Variants in PRIM2 observed in about 807,000 individuals in gnomAD.
PRIM2 encodes DNA primase subunit 2.
A neutral mutation model predicts 67.3 loss-of-function variants in PRIM2; 39 were observed. That is an observed-to-expected ratio of 0.58 (90% CI 0.45 to 0.76). The LOEUF (loss-of-function observed/expected upper bound fraction) is 0.76, where lower values mean the gene tolerates loss of function less well. Among genes scored for constraint, PRIM2 ranks in the 30% least tolerant of loss-of-function variants. The pLI, the probability that PRIM2 is intolerant of heterozygous loss-of-function variation, is 0.00. For synonymous variants in PRIM2, 143 were observed against 198.7 expected (o/e 0.72, Z 2.36); for missense variants, 398 against 598.7 (o/e 0.66, Z 3.50).
At chr6:57,331,358 A>T (rs752464944) in intron 5 of PRIM2, among the ~76,000 whole-genome samples, 1 of 152,058 alleles carries the variant, frequency 6.6e-6, no homozygotes, top group Non-Finnish European at 1.5e-5. Flanking sequence ...TTGATAAGGG[A>T]TACTGGTCTG....
intron 7 of PRIM2, among the ~76,000 whole-genome samples, chr6:57,450,513 G>A (rs1303634985): frequency 4.6e-5 from 7 of 152,234 alleles, no homozygotes; most frequent in African/African-American, 1.7e-4. Flanking sequence ...CTATCTAAAA[G>A]GCTTGGCATG....
chr6:57,637,735 C>T (rs1777149985), intron 13 of PRIM2, among the ~76,000 whole-genome samples: 2 of 152,134 alleles, frequency 1.3e-5, no homozygotes, highest in Non-Finnish European at 1.5e-5. Flanking sequence ...AACAAAGCCT[C>T]CAAGAAATAG....
intron 7 of PRIM2, among the ~76,000 whole-genome samples, chr6:57,488,665 G>A (rs1391986663): frequency 2.0e-5 from 3 of 152,196 alleles, no homozygotes; most frequent in African/African-American, 7.2e-5. Flanking sequence ...CAGGATGTCA[G>A]CCCACCACAT....
chr6:57,285,828 C>A, the PRIM2 span, among the ~76,000 whole-genome samples: 3 of 152,286 alleles, frequency 2.0e-5, no homozygotes, highest in Admixed American at 6.5e-5. Flanking sequence ...TCTCTGTTTG[C>A]AGATGACATG....
At chr6:57,463,090 C>T (rs1773060304) in intron 7 of PRIM2, among the ~76,000 whole-genome samples, 1 of 152,150 alleles carries the variant, frequency 6.6e-6, no homozygotes. Flanking sequence ...TAAATGGGAT[C>T]TTCTAAGTGG....
At chr6:57,409,025 C>A (rs1770995987) in intron 7 of PRIM2, among the ~76,000 whole-genome samples, 2 of 151,562 alleles carry the variant, frequency 1.3e-5, no homozygotes, top group African/African-American at 4.9e-5. Context: ...ACATTTTTTC[C>A]ATTCTTTTTA....
At chr6:57,518,126 G>A (rs1289142971) in intron 8 of PRIM2, among the ~76,000 whole-genome samples, 4 of 152,098 alleles carry the variant, frequency 2.6e-5, no homozygotes, top group Non-Finnish European at 4.4e-5. Context: ...ATTACTATTT[G>A]GAAAGTAGTG....
At chr6:57,364,694 G>T (rs1284076770) in intron 5 of PRIM2, among the ~76,000 whole-genome samples, 6 of 151,866 alleles carry the variant, frequency 4.0e-5, no homozygotes, top group Non-Finnish European at 8.8e-5. Context: ...CTTCCGCTTG[G>T]CAGGCCCTAA....
At chr6:57,586,340 T>C (rs1249981650) in intron 10 of PRIM2, among the ~76,000 whole-genome samples, 3 of 152,108 alleles carry the variant, frequency 2.0e-5, no homozygotes, top group Middle Eastern at 3.2e-3. Context: ...GGAGGTGGTC[T>C]GTGTGTGGTT....
At chr6:57,343,651 G>A (rs1768573208) in intron 5 of PRIM2, among the ~76,000 whole-genome samples, 1 of 152,158 alleles carries the variant, frequency 6.6e-6, no homozygotes, top group African/African-American at 2.4e-5. Context: ...GCCTGAAGAA[G>A]AGTGAAGTGG....
the PRIM2 span, among the ~76,000 whole-genome samples, chr6:57,294,349 T>C: frequency 6.6e-6 from 1 of 151,784 alleles, no homozygotes; most frequent in African/African-American, 2.4e-5. Flanking sequence ...GGTGTGATGG[T>C]ACACACCTGT....
At chr6:57,268,405 A>G in the PRIM2 span, among the ~76,000 whole-genome samples, 12 of 152,222 alleles carry the variant, frequency 7.9e-5, no homozygotes, top group Admixed American at 5.9e-4. Flanking sequence ...TGAGAAGACT[A>G]ATATGGCTTT....
intron 7 of PRIM2, among the ~76,000 whole-genome samples, chr6:57,460,666 T>A (rs2127396741): frequency 6.6e-6 from 1 of 152,132 alleles, no homozygotes; most frequent in Non-Finnish European, 1.5e-5. Flanking sequence ...TGACCACTAG[T>A]TATAACTTCT....
At chr6:57,302,225 T>C in the PRIM2 span, among the ~76,000 whole-genome samples, 1 of 152,232 alleles carries the variant, frequency 6.6e-6, no homozygotes, top group Non-Finnish European at 1.5e-5. Context: ...GTTATTAATT[T>C]AGTTTTTGAG....
chr6:57,385,373 T>C (rs1210327952), intron 7 of PRIM2, among the ~76,000 whole-genome samples: 1 of 152,180 alleles, frequency 6.6e-6, no homozygotes, highest in Non-Finnish European at 1.5e-5. Flanking sequence ...TATCACAGAC[T>C]TACAGAAAAT....
the PRIM2 span, among the ~76,000 whole-genome samples, chr6:57,257,270 A>AT: frequency 0.011 from 1,638 of 144,718 alleles, 16 homozygotes; most frequent in South Asian, 0.02. Context: ...ATCTGTAGGC[A>AT]TTTTTTTTTT....
intron 7 of PRIM2, among the ~76,000 whole-genome samples, chr6:57,410,406 C>G (rs1377612152): frequency 6.6e-6 from 1 of 150,394 alleles, no homozygotes; most frequent in African/African-American, 2.4e-5. Flanking sequence ...CCATTTTTCA[C>G]CTTGTAAAGA....
chr6:57,274,942 A>G, the PRIM2 span, among the ~76,000 whole-genome samples: 2 of 118,256 alleles, frequency 1.7e-5, no homozygotes, highest in Non-Finnish European at 3.4e-5. Flanking sequence ...ACACCTGGCT[A>G]ATTTTTTTTT....
At chr6:57,556,365 G>A (rs1290658035) in intron 10 of PRIM2, among the ~76,000 whole-genome samples, 1 of 152,068 alleles carries the variant, frequency 6.6e-6, no homozygotes, top group Non-Finnish European at 1.5e-5. Flanking sequence ...AAAGCTGGAG[G>A]CATCATGTTA....
Sources: allele counts gnomAD v4.1 joint callset (sites outside exome capture counted in the v4.1 genomes callset), GRCh38; gene constraint gnomAD v4.1.1; transcripts MANE v1.5; gene names NCBI Gene and HGNC (gene_info 2026-07-23, HGNC 2026-07-21).